The following ANKRD10 variants were observed in gnomAD, a reference collection of about 807,000 sequenced individuals.
ANKRD10 encodes the protein ankyrin repeat domain 10.
In ANKRD10, 14 loss-of-function variants were observed where a neutral mutation model predicts 27.0. The observed-to-expected ratio is 0.52, with a 90% CI of 0.34 to 0.81. The LOEUF (loss-of-function observed/expected upper bound fraction) is 0.81, where lower values mean the gene tolerates loss of function less well. Among genes scored for constraint, ANKRD10 ranks in the 40% least tolerant of loss-of-function variants. The pLI is 0.01. For missense variants in ANKRD10, 493 were observed against 544.0 expected (o/e 0.91, Z 0.93); for synonymous variants, 250 against 224.5 (o/e 1.11, Z -1.01).
chr13:110,904,033 A>G (rs2065459826), intron 3 of ANKRD10: 1 of 152,242 alleles, frequency 6.6e-6, no homozygotes, highest in Admixed American at 6.5e-5. Flanking sequence ...GCAGAAATCA[A>G]GAAGCAACTT....
chr13:110,888,078 G>A (rs1353903047), intron 4 of ANKRD10, among the ~76,000 whole-genome samples: 1 of 152,138 alleles, frequency 6.6e-6, no homozygotes. Context: ...CCAGGGCCCA[G>A]ATTCCAGCAG....
chr13:110,891,268 AT>A (rs928209187), intron 4 of ANKRD10, among the ~76,000 whole-genome samples: 9 of 152,336 alleles, frequency 5.9e-5, no homozygotes, highest in East Asian at 3.9e-4. Context: ...ATGACAAAGG[AT>A]TTTTTTAAAA....
chr13:110,908,546 G>C (rs1179952820), intron 2 of ANKRD10, among the ~76,000 whole-genome samples: 2 of 152,152 alleles, frequency 1.3e-5, no homozygotes, highest in South Asian at 2.1e-4. Context: ...TTAAAACACT[G>C]CATCAACAGG....
intron 3 of ANKRD10, among the ~76,000 whole-genome samples, chr13:110,904,768 G>A (rs1003856497): frequency 2.0e-5 from 3 of 152,122 alleles, no homozygotes; most frequent in African/African-American, 4.8e-5. Context: ...TATACATGAA[G>A]TCGCGAGAGT....
In ANKRD10 at chr13:110,879,699, T is replaced by C. The variant is rs753165681; in HGVS notation, c.1201A>G (p.Lys401Glu). 3 of 1,614,194 alleles carry C rather than the reference T, an allele frequency of 1.9e-6. No homozygotes were observed. In the South Asian group the frequency reaches 3.3e-5, roughly 18 times the overall value. Reference sequence around the variant, plus strand: ...GCACTGTCGTACCGCTCCTGCACCTTCACGGACTTGGAATGCTCGACCACA... The same window carrying C: ...GCACTGTCGTACCGCTCCTGCACCTCCACGGACTTGGAATGCTCGACCACA... ...NSVVEHSKSVKVQERYDSAVL... is the reference protein window; with the variant it reads ...NSVVEHSKSVEVQERYDSAVL... Residue 401 changes from lysine to glutamate, a missense_variant, in exon 6 of 6, where the codon AAG becomes GAG. Coordinates refer to ENST00000267339, the MANE Select transcript of ANKRD10 (RefSeq NM_017664.4).
At chr13:110,898,515 G>T (rs1426008812) in intron 3 of ANKRD10, among the ~76,000 whole-genome samples, 3 of 152,070 alleles carry the variant, frequency 2.0e-5, no homozygotes, top group Non-Finnish European at 4.4e-5. Context: ...ACAGTACTTT[G>T]TTCTGTCACA....
At chr13:110,892,805 A>AT in intron 4 of ANKRD10, 1 of 1,318,800 alleles carries the variant, frequency 7.6e-7, no homozygotes, top group Non-Finnish European at 9.7e-7. Context: ...CCACATAGAC[A>AT]TTTACACTTG....
chr13:110,905,576 G>T (rs554843777), intron 3 of ANKRD10, among the ~76,000 whole-genome samples: 1 of 152,176 alleles, frequency 6.6e-6, no homozygotes, highest in Non-Finnish European at 1.5e-5. Context: ...CTGCTAAGAC[G>T]TGGAAATCAA....
rs1205093571 is a variant in ANKRD10 at position 110,914,924 on chromosome 13, G to A, written c.11C>T (p.Ala4Val). MSAAGAGAGVEAGF... is the reference protein window; with the variant it reads MSAVGAGAGVEAGF... ...CGCCTCTACGCCCGCGCCCGCTCCC[G>A]CCGCCGACATGGTCCGTCACCGGAG... The change falls in exon 1 of 6, where the codon GCG becomes GTG. Residue 4 changes from alanine (A) to valine (V), a missense_variant. Physicochemically the swap from Ala to Val is moderately conservative, Grantham distance 64. Transcript: ENST00000267339. The A allele has an allele frequency of 2.0e-6, 3 of 1,533,550 alleles. No individual in the cohort carries two copies. Among genetic ancestry groups the A allele is most frequent in the Non-Finnish European group, 2.6e-6 (3 of 1,144,986 alleles). The allele number at this position is 1,533,550 out of a possible 1,614,324, so 95.0% of individuals were successfully genotyped here. A position where few individuals can be genotyped will look rare whatever the true frequency, so the allele number is the denominator to read the frequency against.
chr13:110,908,910 C>T (rs974462582), intron 2 of ANKRD10, among the ~76,000 whole-genome samples: 2 of 152,158 alleles, frequency 1.3e-5, no homozygotes, highest in South Asian at 2.1e-4. Context: ...AATGTCTACC[C>T]GGATACTTCA....
intron 2 of ANKRD10, 36 bp downstream of exon 2, chr13:110,910,582 G>A (rs1323890430): frequency 6.2e-7 from 1 of 1,609,010 alleles, no homozygotes; most frequent in South Asian, 1.1e-5. Flanking sequence ...AAAAGAAAAA[G>A]CAAAAGCAAA....
At chr13:110,886,115 T>C (rs1018369744) in intron 4 of ANKRD10, among the ~76,000 whole-genome samples, 1 of 152,210 alleles carries the variant, frequency 6.6e-6, no homozygotes, top group African/African-American at 2.4e-5. Flanking sequence ...GGCCTGGCCA[T>C]GCGAGGTGCA....
At chr13:110,894,281 A>AT in intron 3 of ANKRD10, 2 of 902,936 alleles carry the variant, frequency 2.2e-6, no homozygotes, top group Non-Finnish European at 1.8e-6. Flanking sequence ...GACAGCTTCC[A>AT]TACCTGTTCA....
chr13:110,897,294 C>CTTTT (rs35945478), intron 3 of ANKRD10, among the ~76,000 whole-genome samples: 8 of 127,544 alleles, frequency 6.3e-5, no homozygotes, highest in African/African-American at 1.5e-4. Context: ...TGCCTGGCTA[C>CTTTT]TTTTTTTTTT....
Position 110,906,088 on chromosome 13 carries a change from G to C in ANKRD10, c.400C>G (p.Arg134Gly). The change falls in exon 3 of 6, where the codon CGC becomes GGC. Residue 134 changes from arginine (R) to glycine (G), a missense_variant. Transcript: ENST00000267339. The stretch of plus-strand genomic sequence containing the variant: ...CTGATGCATTCTAGGCTCCCAGAGC[G>C]AGCTGCCTTGTGAATGGGAGTTTCA... Reference protein sequence around the residue: ...EGETPIHKAARSGSLECISAL... With the variant: ...EGETPIHKAAGSGSLECISAL... 1 of 1,604,484 alleles carries C rather than the reference G, an allele frequency of 6.2e-7. No homozygotes were observed. The highest frequency in any genetic ancestry group is 8.5e-7 in the Non-Finnish European group (1 of 1,174,968).
intron 2 of ANKRD10, 60 bp downstream of exon 2, chr13:110,910,558 T>C: frequency 6.3e-7 from 1 of 1,596,756 alleles, no homozygotes; most frequent in Non-Finnish European, 8.6e-7. Flanking sequence ...ATACCGTGTA[T>C]AATTATAACT....
chr13:110,879,450 A>C lies in ANKRD10; in HGVS notation c.*187T>G. 1.7e-6 allele frequency: 1 copy of C among 595,776 alleles called. No homozygotes were observed. Among genetic ancestry groups the C allele is most frequent in the Non-Finnish European group, 3.0e-6 (1 of 335,836 alleles). 36.9% of individuals were successfully genotyped at this position (595,776 alleles called of 1,614,324 possible). A position where few individuals can be genotyped will look rare whatever the true frequency, so the allele number is the denominator to read the frequency against. ...CACCTCACTGTAGAAACATCTATGCACTTAGTAAGCCCTACTCATGCACAA... is the reference window on the plus strand; with the variant it reads ...CACCTCACTGTAGAAACATCTATGCCCTTAGTAAGCCCTACTCATGCACAA... On this transcript the variant is annotated 3_prime_UTR_variant, in exon 6 of 6. Coordinates refer to ENST00000267339, the MANE Select transcript of ANKRD10 (RefSeq NM_017664.4).
intron 3 of ANKRD10, among the ~76,000 whole-genome samples, chr13:110,901,739 T>G (rs1301790973): frequency 6.6e-6 from 1 of 152,072 alleles, no homozygotes; most frequent in East Asian, 1.9e-4. Flanking sequence ...AAGTCTGCTG[T>G]GGGGACAATT....
At chr13:110,901,149 AAAGAT>A (rs1184961053) in intron 3 of ANKRD10, among the ~76,000 whole-genome samples, 2 of 152,252 alleles carry the variant, frequency 1.3e-5, no homozygotes, top group Non-Finnish European at 2.9e-5. Flanking sequence ...GTCCATTTGT[AAAGAT>A]AAAACATTAG....
Sources: gnomAD v4.1 joint callset for allele counts (sites outside exome capture counted in the v4.1 genomes callset) on GRCh38, gnomAD v4.1.1 for gene constraint, MANE v1.5 for transcripts, NCBI Gene and HGNC (gene_info 2026-07-23, HGNC 2026-07-21) for gene names.